Variants in MELK observed in about 807,000 individuals in gnomAD.
MELK encodes the protein maternal embryonic leucine zipper kinase.
MELK carries 81 observed loss-of-function variants against 85.0 expected under a neutral mutation model. The observed-to-expected ratio is 0.95, with a 90% CI of 0.80 to 1.15. MELK has a LOEUF of 1.15. Ranked by LOEUF, MELK falls within the 50% of genes most tolerant of loss-of-function variation. The probability of loss-of-function intolerance (pLI) is 0.00; values close to 1 mark genes in which losing one functional copy is unlikely to be tolerated. For missense variants in MELK, 754 were observed against 777.5 expected, an observed-to-expected ratio of 0.97 and a Z score of 0.36; for synonymous variants, 252 against 265.0, an observed-to-expected ratio of 0.95 and a Z score of 0.48.
chr9:36,661,958 AAAAC>A (rs1405625969), intron 13 of MELK, among the ~76,000 whole-genome samples: 13 of 151,450 alleles, frequency 8.6e-5, no homozygotes, highest in Admixed American at 2.0e-4. Context: ...AAAAAAAAAC[AAAAC>A]AAACAAAGAA....
chr9:36,574,430 C>CAAAA (rs78915626), intron 1 of MELK, among the ~76,000 whole-genome samples: 7 of 79,926 alleles, frequency 8.8e-5, no homozygotes, highest in East Asian at 4.3e-4. Flanking sequence ...ACTAAAAATA[C>CAAAA]AAAAAAAAAA....
intron 13 of MELK, among the ~76,000 whole-genome samples, chr9:36,660,583 A>G (rs1831707489): frequency 1.3e-5 from 2 of 151,978 alleles, no homozygotes; most frequent in African/African-American, 2.4e-5. Context: ...TGGCCTCCCA[A>G]AGTGCTGGGA....
intron 3 of MELK, among the ~76,000 whole-genome samples, chr9:36,584,014 A>ATT (rs893169649): frequency 3.9e-4 from 58 of 150,232 alleles, no homozygotes; most frequent in African/African-American, 1.4e-3. Context: ...ATTATTTTTT[A>ATT]TTTTTTTTTG....
chr9:36,613,134 C>T (rs1259854718), intron 8 of MELK, among the ~76,000 whole-genome samples: 1 of 152,160 alleles, frequency 6.6e-6, no homozygotes, highest in Non-Finnish European at 1.5e-5. Flanking sequence ...CTTTTTTCCC[C>T]TTTTCCTGGA....
chr9:36,662,986 A>G (rs1832001310), intron 13 of MELK, among the ~76,000 whole-genome samples: 2 of 152,040 alleles, frequency 1.3e-5, no homozygotes, highest in Admixed American at 1.3e-4. Context: ...ATGATTCATC[A>G]TGCTTTCTAT....
chr9:36,581,882 C>T (rs1822279167), intron 2 of MELK, 143 bp downstream of exon 2: 2 of 580,598 alleles, frequency 3.4e-6, no homozygotes, highest in Non-Finnish European at 3.0e-6. Flanking sequence ...GTGGAGCAAG[C>T]AGAGAGGAGA....
intron 8 of MELK, among the ~76,000 whole-genome samples, chr9:36,619,006 T>C (rs1827135579): frequency 6.6e-6 from 1 of 151,388 alleles, no homozygotes; most frequent in Non-Finnish European, 1.5e-5. Flanking sequence ...TTGTCCAGGC[T>C]GGAGTGCAGT....
Position 36,574,862 on chromosome 9 carries a change from C to T in MELK, c.-39+1855C>T, listed in dbSNP as rs184949840. On this transcript the variant is annotated intron_variant, in intron 1 of 17. Coordinates refer to ENST00000298048, the MANE Select transcript of MELK (RefSeq NM_014791.4). ...TTAAAGACCCCAATTATAGGCCGGG[C>T]GCGGTGGCTCACGCCTGTAATCCCA... Among the ~76,000 whole-genome samples the T allele has an allele frequency of 1.1e-4, 16 of 152,200 alleles. No homozygotes were observed. In the East Asian group the frequency reaches 1.7e-3, roughly 17 times the overall value.
At chr9:36,596,163 C>G (rs906734841) in intron 5 of MELK, among the ~76,000 whole-genome samples, 2 of 152,008 alleles carry the variant, frequency 1.3e-5, no homozygotes, top group African/African-American at 2.4e-5. Context: ...TCGATTTCAA[C>G]TCACTCTTTT....
At chr9:36,644,398 A>G (rs1187805677) in intron 11 of MELK, among the ~76,000 whole-genome samples, 1 of 152,232 alleles carries the variant, frequency 6.6e-6, no homozygotes, top group Non-Finnish European at 1.5e-5. Flanking sequence ...GGAGTCCTTA[A>G]GCAATTTTTT....
At chr9:36,586,196 C>T (rs1488258124) in intron 3 of MELK, among the ~76,000 whole-genome samples, 4 of 151,692 alleles carry the variant, frequency 2.6e-5, no homozygotes, top group East Asian at 1.9e-4. Context: ...CAAAAAATTT[C>T]GCTGGACATG....
chr9:36,636,706 G>T (rs981313568), intron 10 of MELK, among the ~76,000 whole-genome samples: 4 of 148,426 alleles, frequency 2.7e-5, no homozygotes, highest in Non-Finnish European at 6.0e-5. Context: ...GGCTAACCTG[G>T]ACTTTTTTAT....
chr9:36,606,092 C>T (rs1306073717), intron 7 of MELK, among the ~76,000 whole-genome samples: 3 of 151,842 alleles, frequency 2.0e-5, no homozygotes, highest in African/African-American at 7.3e-5. Context: ...TCATGGGACA[C>T]ATGGATATCA....
intron 10 of MELK, among the ~76,000 whole-genome samples, chr9:36,636,347 A>T (rs966235106): frequency 6.6e-6 from 1 of 151,928 alleles, no homozygotes; most frequent in Non-Finnish European, 1.5e-5. Flanking sequence ...TAGTAAAAAT[A>T]CAAAATCAGC....
At chr9:36,626,335 C>T (rs1233370813) in intron 8 of MELK, among the ~76,000 whole-genome samples, 1 of 152,096 alleles carries the variant, frequency 6.6e-6, no homozygotes, top group Non-Finnish European at 1.5e-5. Context: ...AGGAACTCCC[C>T]AAACCTTTAT....
chr9:36,669,623 G>A lies in MELK; in HGVS notation c.1505+217G>A, dbSNP rs565218017. Among the ~76,000 whole-genome samples the A allele has an allele frequency of 7.9e-5, 12 of 152,238 alleles. No individual in the cohort carries two copies. In the South Asian group the frequency reaches 1.9e-3, roughly 24 times the overall value. On this transcript the variant is annotated intron_variant, in intron 15 of 17. Transcript: ENST00000298048. ...CATGAAACTGATCAGCAGTAGGACG[G>A]CACCTTAAGTACAACAGGCTGGGAA...
intron 8 of MELK, among the ~76,000 whole-genome samples, chr9:36,627,089 C>CAT (rs1291736504): frequency 1.3e-5 from 2 of 151,060 alleles, no homozygotes; most frequent in Non-Finnish European, 2.9e-5. Flanking sequence ...CACACACACA[C>CAT]GCCAACTGTA....
At chr9:36,617,063 A>G (rs988701210) in intron 8 of MELK, among the ~76,000 whole-genome samples, 6 of 152,184 alleles carry the variant, frequency 3.9e-5, no homozygotes, top group African/African-American at 1.4e-4. Context: ...TACATTGTGA[A>G]TATAATAAAT....
chr9:36,651,166 T>C (rs1830662961), intron 11 of MELK, among the ~76,000 whole-genome samples: 1 of 152,132 alleles, frequency 6.6e-6, no homozygotes, highest in African/African-American at 2.4e-5. Flanking sequence ...CCTCCCCTCT[T>C]CTCACAATTA....
Sources: allele counts gnomAD v4.1 joint callset (sites outside exome capture counted in the v4.1 genomes callset), GRCh38; gene constraint gnomAD v4.1.1; transcripts MANE v1.5; gene names NCBI Gene and HGNC (gene_info 2026-07-23, HGNC 2026-07-21).